Variants in SLC7A2 observed in about 807,000 individuals in gnomAD.
The protein encoded by SLC7A2 is cationic amino acid transporter 2.
SLC7A2 carries 48 observed loss-of-function variants against 58.9 expected under a neutral mutation model. That is an observed-to-expected ratio of 0.82 (90% CI 0.65 to 1.04). SLC7A2 has a LOEUF of 1.04. Among genes scored for constraint, SLC7A2 ranks in the 50% least tolerant of loss-of-function variants. The probability of loss-of-function intolerance (pLI) is 0.00; values close to 1 mark genes in which losing one functional copy is unlikely to be tolerated. For synonymous variants in SLC7A2, 363 were observed against 314.5 expected, an observed-to-expected ratio of 1.15 and a Z score of -1.63; for missense variants, 1,029 against 818.8, an observed-to-expected ratio of 1.26 and a Z score of -3.13.
At chr8:17,497,378 T>G (rs1192647114) in intron 1 of SLC7A2, 141 bp downstream of exon 1, 5 of 151,796 alleles carry the variant, frequency 3.3e-5, no homozygotes, top group Non-Finnish European at 5.9e-5. Flanking sequence ...CGGGGACGAG[T>G]CCAGCTGCGC....
intron 2 of SLC7A2, among the ~76,000 whole-genome samples, chr8:17,533,220 A>G (rs151157105): frequency 1.3e-5 from 2 of 152,372 alleles, no homozygotes; most frequent in Admixed American, 6.5e-5. Context: ...TCAACAATCT[A>G]TCAAGAAGCT....
At chr8:17,507,482 G>A (rs1433561605) in intron 2 of SLC7A2, among the ~76,000 whole-genome samples, 1 of 152,054 alleles carries the variant, frequency 6.6e-6, no homozygotes, top group Admixed American at 6.6e-5. Context: ...CCAAAGTGCA[G>A]GAATTATAGG....
At chr8:17,563,803 T>C (rs1175786166) in intron 12 of SLC7A2, 92 bp downstream of exon 12, 18 of 746,628 alleles carry the variant, frequency 2.4e-5, no homozygotes, top group Non-Finnish European at 3.4e-5. Context: ...TAAAGGCTTT[T>C]TTTTCCCGCT....
chr8:17,554,532 A>G, intron 7 of SLC7A2, 28 bp from the exon 8 acceptor site: 1 of 1,552,676 alleles, frequency 6.4e-7, no homozygotes, highest in Non-Finnish European at 8.7e-7. Context: ...AATGTTTGCC[A>G]TACTGCATGT....
At position 17,563,730 on chromosome 8, in the gene SLC7A2, G is replaced by T. The variant is rs548571763; in HGVS notation, c.1780+19G>T. The stretch of plus-strand genomic sequence containing the variant: ...GCAATTGGTAGGTCTTTTAATGTCG[G>T]GTTCTCTTTCCTATTTCATGTGCTG... On this transcript the variant is annotated intron_variant, in intron 12 of 12. Transcript: ENST00000494857. The T allele has an allele frequency of 5.0e-6, 7 of 1,393,916 alleles. No homozygotes were observed. Among genetic ancestry groups the T allele is most frequent in the South Asian group, 4.7e-5 (4 of 85,890 alleles). The allele number at this position is 1,393,916 out of a possible 1,614,324, so 86.3% of individuals were successfully genotyped here.
chr8:17,518,555 A>G (rs1477207612), intron 2 of SLC7A2, among the ~76,000 whole-genome samples: 1 of 152,212 alleles, frequency 6.6e-6, no homozygotes, highest in African/African-American at 2.4e-5. Flanking sequence ...GAGCTCTGGA[A>G]AAATGTAAAC....
intron 2 of SLC7A2, among the ~76,000 whole-genome samples, chr8:17,542,289 G>A (rs1801945367): frequency 6.6e-6 from 1 of 152,172 alleles, no homozygotes; most frequent in African/African-American, 2.4e-5. Flanking sequence ...TGTAAGGCTA[G>A]AGACCCCATC....
At chr8:17,561,296 G>T (rs865842530) in intron 10 of SLC7A2, among the ~76,000 whole-genome samples, 13 of 152,154 alleles carry the variant, frequency 8.5e-5, no homozygotes, top group African/African-American at 1.4e-4. Flanking sequence ...GGTTAGGGAG[G>T]CCTCACAGTC....
intron 2 of SLC7A2, among the ~76,000 whole-genome samples, chr8:17,510,459 A>T (rs1800558503): frequency 6.6e-6 from 1 of 152,186 alleles, no homozygotes. Flanking sequence ...ACAGTGTAAA[A>T]GCGTTCCTAT....
chr8:17,545,854 T>C (rs1000395965), intron 4 of SLC7A2, among the ~76,000 whole-genome samples: 3 of 152,210 alleles, frequency 2.0e-5, no homozygotes, highest in Admixed American at 6.5e-5. Flanking sequence ...CTCTGTTTTC[T>C]CCCTTGTTAG....
intron 1 of SLC7A2, among the ~76,000 whole-genome samples, chr8:17,497,890 G>A (rs1800015534): frequency 6.6e-6 from 1 of 152,128 alleles, no homozygotes; most frequent in Non-Finnish European, 1.5e-5. Context: ...CGCTGTTCTT[G>A]AGGCTTAGAG....
chr8:17,561,927 T>C lies in SLC7A2; in HGVS notation c.1505-17T>C. ...AGCACAGTGTGCTGACTCTGTTATC[T>C]ACACATCCCCCTGCAGCTTTCCTCG... On this transcript the variant is annotated splice_polypyrimidine_tract_variant and intron_variant, in intron 10 of 12. Coordinates refer to ENST00000494857, the MANE Select transcript of SLC7A2 (RefSeq NM_001370338.1). 1 of 1,613,358 alleles carries C rather than the reference T, an allele frequency of 6.2e-7. No homozygotes were observed. The highest frequency in any genetic ancestry group is 8.5e-7 in the Non-Finnish European group (1 of 1,179,584).
intron 1 of SLC7A2, among the ~76,000 whole-genome samples, chr8:17,500,844 A>ACACACACAC: frequency 6.7e-6 from 1 of 148,604 alleles, no homozygotes; most frequent in African/African-American, 2.5e-5. Flanking sequence ...ACACACACAC[A>ACACACACAC]GAATCCCAGC....
At chr8:17,498,173 C>A (rs1171352979) in intron 1 of SLC7A2, among the ~76,000 whole-genome samples, 1 of 152,106 alleles carries the variant, frequency 6.6e-6, no homozygotes, top group Non-Finnish European at 1.5e-5. Flanking sequence ...TAATTTTGGA[C>A]CAGTAATAAG....
Position 17,543,472 on chromosome 8 carries a change from G to C in SLC7A2, c.133G>C (p.Gly45Arg). Reference sequence around the variant, plus strand: ...CATGGACCTCATTGCCCTGGGCGTTGGAAGCACCCTTGGGGCCGGGGTTTA... The same window carrying C: ...CATGGACCTCATTGCCCTGGGCGTTCGAAGCACCCTTGGGGCCGGGGTTTA... The part of the protein sequence containing the change: ...STMDLIALGV[G>R]STLGAGVYVL... Residue 45 changes from glycine (G) to arginine (R), a missense_variant, in exon 3 of 13, where the codon GGA becomes CGA. Coordinates refer to ENST00000494857, the MANE Select transcript of SLC7A2 (RefSeq NM_001370338.1). 1 of 1,614,152 alleles carries C rather than the reference G, an allele frequency of 6.2e-7. No homozygotes were observed. Among genetic ancestry groups the C allele is most frequent in the Non-Finnish European group, 8.5e-7 (1 of 1,180,024 alleles).
At chr8:17,541,265 A>G (rs1196425736) in intron 2 of SLC7A2, among the ~76,000 whole-genome samples, 1 of 152,220 alleles carries the variant, frequency 6.6e-6, no homozygotes, top group Non-Finnish European at 1.5e-5. Context: ...TTTTAAGCAG[A>G]ACACTTATCT....
At chr8:17,561,198 T>C (rs1802964136) in intron 10 of SLC7A2, among the ~76,000 whole-genome samples, 2 of 152,180 alleles carry the variant, frequency 1.3e-5, no homozygotes, top group South Asian at 4.2e-4. Context: ...GCAGTCTGTA[T>C]TAGTCTGTTC....
At chr8:17,559,501 G>T (rs1802860572) in intron 9 of SLC7A2, among the ~76,000 whole-genome samples, 1 of 152,164 alleles carries the variant, frequency 6.6e-6, no homozygotes, top group Non-Finnish European at 1.5e-5. Context: ...AGGAGGCAGA[G>T]GTTGCAGTGA....
intron 2 of SLC7A2, chr8:17,510,797 CA>C (rs2150666211): frequency 6.6e-6 from 1 of 152,296 alleles, no homozygotes; most frequent in African/African-American, 2.4e-5. Flanking sequence ...AAAACACATC[CA>C]AACCCATGTT....
Sources: gnomAD v4.1 joint callset for allele counts (sites outside exome capture counted in the v4.1 genomes callset) on GRCh38, gnomAD v4.1.1 for gene constraint, MANE v1.5 for transcripts, NCBI Gene and HGNC (gene_info 2026-07-23, HGNC 2026-07-21) for gene names.